The following RFC3 variants were observed in gnomAD, a reference collection of about 807,000 sequenced individuals.
The protein encoded by RFC3 is replication factor C subunit 3.
In RFC3, 41 loss-of-function variants were observed where a neutral mutation model predicts 45.1. The ratio of observed to expected loss-of-function variants is 0.91; its 90% confidence interval spans 0.71 to 1.18. RFC3 has a LOEUF of 1.18. Among genes scored for constraint, RFC3 ranks in the 50% most tolerant of loss-of-function variants. The pLI is 0.00. For missense variants in RFC3, 423 were observed against 428.1 expected, an observed-to-expected ratio of 0.99 and a Z score of 0.10; for synonymous variants, 149 against 144.0, an observed-to-expected ratio of 1.03 and a Z score of -0.25.
intron 8 of RFC3, among the ~76,000 whole-genome samples, chr13:33,938,469 C>T (rs1370678476): frequency 1.3e-5 from 2 of 152,042 alleles, no homozygotes; most frequent in Non-Finnish European, 2.9e-5. Context: ...AGCATATCAT[C>T]ATTTCCCAGG....
chr13:33,890,523 C>T (rs145673264), intron 8 of RFC3, among the ~76,000 whole-genome samples: 73 of 152,222 alleles, frequency 4.8e-4, no homozygotes, highest in African/African-American at 1.7e-3. Context: ...CGTATTGACC[C>T]AGTGTGATGA....
At chr13:33,898,394 G>T (rs2082615417) in intron 8 of RFC3, among the ~76,000 whole-genome samples, 2 of 151,834 alleles carry the variant, frequency 1.3e-5, no homozygotes, top group Admixed American at 6.6e-5. Context: ...TAAACAACAT[G>T]CTCCTGAACA....
intron 8 of RFC3, among the ~76,000 whole-genome samples, chr13:33,908,162 T>C (rs1431645406): frequency 6.6e-6 from 1 of 151,978 alleles, no homozygotes; most frequent in Non-Finnish European, 1.5e-5. Flanking sequence ...GCACTGCATT[T>C]ATCTGAAAAA....
Position 33,926,125 on chromosome 13 carries a change from G to A in RFC3, c.880-39962G>A, listed in dbSNP as rs945964719. Among the ~76,000 whole-genome samples the A allele has an allele frequency of 5.4e-5, 8 of 147,488 alleles. No individual in the cohort carries two copies. In the South Asian group the frequency reaches 6.4e-4, roughly 12 times the overall value. Reference sequence around the variant, plus strand: ...TCACAGGAACAAAAAACCAGACACCGCATATTCTCACTCATAGGTGGGAAT... The same window carrying A: ...TCACAGGAACAAAAAACCAGACACCACATATTCTCACTCATAGGTGGGAAT... On this transcript the variant is annotated intron_variant, in intron 8 of 8. Coordinates refer to the RFC3 transcript ENST00000434425.
intron 8 of RFC3, among the ~76,000 whole-genome samples, chr13:33,854,350 A>G (rs545990827): frequency 1.3e-5 from 2 of 152,338 alleles, no homozygotes; most frequent in African/African-American, 2.4e-5. Flanking sequence ...TAGCTCTTAC[A>G]TAGACTAGAG....
intron 4 of RFC3, among the ~76,000 whole-genome samples, chr13:33,827,945 C>G (rs1006660177): frequency 1.3e-5 from 2 of 151,740 alleles, no homozygotes; most frequent in Non-Finnish European, 2.9e-5. Flanking sequence ...ATATATGACA[C>G]TTTACTTAAG....
chr13:33,952,579 T>G (rs2082997491), intron 8 of RFC3, among the ~76,000 whole-genome samples: 1 of 152,218 alleles, frequency 6.6e-6, no homozygotes, highest in South Asian at 2.1e-4. Flanking sequence ...CATACAGAGT[T>G]GGTGCTAAGT....
intron 8 of RFC3, among the ~76,000 whole-genome samples, chr13:33,911,184 G>A (rs2082701907): frequency 6.6e-6 from 1 of 152,094 alleles, no homozygotes; most frequent in Non-Finnish European, 1.5e-5. Flanking sequence ...CAGATGAGAA[G>A]ACTGAGGCCC....
chr13:33,975,689 T>C, the RFC3 span, among the ~76,000 whole-genome samples: 1 of 152,150 alleles, frequency 6.6e-6, no homozygotes, highest in Non-Finnish European at 1.5e-5. Flanking sequence ...GTGGAATCTA[T>C]GAGACTAAAG....
At chr13:33,905,422 C>CT (rs72176547) in intron 8 of RFC3, among the ~76,000 whole-genome samples, 20,412 of 148,350 alleles carry the variant, frequency 0.14, 2,565 homozygotes, top group African/African-American at 0.35. Flanking sequence ...CTTGTGTTCT[C>CT]TTTTTTTTTT....
intron 8 of RFC3, among the ~76,000 whole-genome samples, chr13:33,964,799 G>C (rs2137875654): frequency 6.6e-6 from 1 of 152,182 alleles, no homozygotes; most frequent in South Asian, 2.1e-4. Flanking sequence ...TTTGGAAAAA[G>C]GATATTTGCA....
downstream of RFC3, among the ~76,000 whole-genome samples, chr13:33,969,435 G>A (rs779560832): frequency 2.6e-5 from 4 of 152,184 alleles, no homozygotes; most frequent in East Asian, 1.9e-4. Context: ...GACTAAATAA[G>A]CATTTTCACC....
chr13:33,901,593 C>T (rs914051761), intron 8 of RFC3, among the ~76,000 whole-genome samples: 1 of 151,818 alleles, frequency 6.6e-6, no homozygotes, highest in African/African-American at 2.4e-5. Flanking sequence ...AATATATGAC[C>T]TGATAGAAAA....
chr13:33,911,194 C>T (rs543141439), intron 8 of RFC3, among the ~76,000 whole-genome samples: 2 of 152,156 alleles, frequency 1.3e-5, no homozygotes, highest in East Asian at 1.9e-4. Flanking sequence ...GACTGAGGCC[C>T]AGCTGCCTCT....
intron 8 of RFC3, among the ~76,000 whole-genome samples, chr13:33,929,961 C>A (rs896454901): frequency 6.6e-6 from 1 of 152,038 alleles, no homozygotes; most frequent in Non-Finnish European, 1.5e-5. Context: ...TGCCAACTTT[C>A]CTTTTGAATA....
At position 33,835,172 on chromosome 13, in the gene RFC3, G is replaced by A; in HGVS notation, c.834G>A (p.Leu278=). 1 of 1,609,514 alleles carries A rather than the reference G, an allele frequency of 6.2e-7. No individual in the cohort carries two copies. Among genetic ancestry groups the A allele is most frequent in the Non-Finnish European group, 8.5e-7 (1 of 1,176,210 alleles). Residue 278 remains leucine (L), a synonymous_variant, in exon 8 of 9, where the codon CTG becomes CTA. Coordinates refer to ENST00000380071, the MANE Select transcript of RFC3 (RefSeq NM_002915.4). ...GGCTCCTTGAAGTTCGTGGAAGGCT[G>A]TATGAGCTTCTAACTCATTGTATTC... ...PQRLLEVRGR[L]YELLTHCIPP... is the part of the protein sequence containing the mutation.
chr13:33,885,606 A>G (rs1479135604), intron 8 of RFC3, among the ~76,000 whole-genome samples: 1 of 152,230 alleles, frequency 6.6e-6, no homozygotes, highest in Non-Finnish European at 1.5e-5. Flanking sequence ...TACTGATCTC[A>G]GAGGTGTCTT....
intron 8 of RFC3, among the ~76,000 whole-genome samples, chr13:33,872,235 A>G (rs1045017625): frequency 6.6e-6 from 1 of 152,196 alleles, no homozygotes; most frequent in African/African-American, 2.4e-5. Context: ...TACCAAAGGC[A>G]CTGGAGGGGA....
At chr13:33,886,152 G>C (rs1000140918) in intron 8 of RFC3, among the ~76,000 whole-genome samples, 8 of 152,156 alleles carry the variant, frequency 5.3e-5, no homozygotes, top group Non-Finnish European at 8.8e-5. Context: ...CCCAAGGATA[G>C]AAGCTGCATG....
Sources: allele counts gnomAD v4.1 joint callset (sites outside exome capture counted in the v4.1 genomes callset), GRCh38; gene constraint gnomAD v4.1.1; transcripts MANE v1.5; gene names NCBI Gene and HGNC (gene_info 2026-07-23, HGNC 2026-07-21).